NBPF12: variants seen among roughly 807,000 people sequenced by gnomAD.
The protein encoded by NBPF12 is NBPF member 12, also known as NBPF family member NBPF12.
In NBPF12, 115 loss-of-function variants were observed where a neutral mutation model predicts 146.4. The ratio of observed to expected loss-of-function variants is 0.79; its 90% CI spans 0.68 to 0.92. NBPF12 has a LOEUF of 0.92. Ranked by LOEUF, NBPF12 falls within the 40% of genes least tolerant of loss-of-function variation. The pLI is 0.00. For synonymous variants in NBPF12, 385 were observed against 508.9 expected (o/e 0.76, Z 3.28); for missense variants, 1,205 against 1,326.8 (o/e 0.91, Z 1.43).
intron 8 of NBPF12, 112 bp downstream of exon 11, chr1:146,965,216 G>T: frequency 1.3e-6 from 1 of 763,606 alleles, no homozygotes; most frequent in Non-Finnish European, 2.3e-6. Flanking sequence ...AAACTAGGAT[G>T]GAGCTAGGTG....
At chr1:146,992,565 C>G in intron 31 of NBPF12, 147 bp from the exon 35 acceptor site, 4 of 525,922 alleles carry the variant, frequency 7.6e-6, no homozygotes, top group Admixed American at 3.0e-5. Flanking sequence ...TCTGTCCCAA[C>G]ATGAAGGCAA....
At chr1:146,974,066 C>A (rs1559524784) in intron 14 of NBPF12, among the ~76,000 whole-genome samples, 2 of 150,706 alleles carry the variant, frequency 1.3e-5, no homozygotes, top group African/African-American at 5.0e-5. Context: ...CAATGAATTA[C>A]ATCAGCTATT....
At chr1:146,971,846 G>A (rs1192836549) in intron 13 of NBPF12, among the ~76,000 whole-genome samples, 1 of 149,908 alleles carries the variant, frequency 6.7e-6, no homozygotes. Context: ...TTGGGAGGCC[G>A]AGGCGGGTGG....
chr1:146,994,634 A>T, exon 34 of NBPF12: 1 of 1,586,162 alleles, frequency 6.3e-7, no homozygotes, highest in South Asian at 1.1e-5. Flanking sequence ...AGGCACCTGA[A>T]GATTTGAATG....
At chr1:146,962,036 T>C in intron 4 of NBPF12, 125 bp from the exon 8 acceptor site, 1 of 770,056 alleles carries the variant, frequency 1.3e-6, no homozygotes, top group Non-Finnish European at 2.2e-6. Context: ...TGGAAATCCC[T>C]GTCTAGACCC....
upstream of NBPF12, chr1:146,938,612 C>T (rs1478967073): frequency 5.7e-4 from 86 of 152,174 alleles, no homozygotes; most frequent in Admixed American, 1.6e-3. Context: ...CCCTTTAAGG[C>T]CCAGCTGCGC....
intron 13 of NBPF12, 50 bp from the exon 17 acceptor site, chr1:146,972,701 T>G: frequency 2.2e-6 from 3 of 1,378,754 alleles, no homozygotes; most frequent in Non-Finnish European, 3.1e-6. Context: ...TAAGCCTATT[T>G]CATTTCATCA....
upstream of NBPF12, among the ~76,000 whole-genome samples, chr1:146,949,122 CAG>C (rs1444854981): frequency 1.3e-5 from 2 of 152,160 alleles, no homozygotes; most frequent in Non-Finnish European, 1.5e-5. Flanking sequence ...TAAGGGAACT[CAG>C]AGGCCAGTGC....
chr1:146,984,886 C>T (rs1657654976), exon 22 of NBPF12: 3 of 1,589,952 alleles, frequency 1.9e-6, no homozygotes, highest in Non-Finnish European at 2.6e-6. Context: ...TTATTCAACT[C>T]CTTCAGTTTA....
chr1:146,952,389 T>A (rs1655363455), intron 2 of NBPF12, among the ~76,000 whole-genome samples: 1 of 152,118 alleles, frequency 6.6e-6, no homozygotes, highest in Non-Finnish European at 1.5e-5. Flanking sequence ...AGTCTCTGTG[T>A]ACTCTTCAAA....
At position 146,981,291 on chromosome 1, in the gene NBPF12, AAAAAT is replaced by A. The variant is rs1429764581; in HGVS notation, c.2451-1635_2451-1631del. Among the ~76,000 whole-genome samples the A allele has an allele frequency of 5.2e-4, 55 of 106,454 alleles. 2 individuals are homozygous for A. Among genetic ancestry groups the A allele is most frequent in the South Asian group, 3.2e-3 (12 of 3,752 alleles). 69.8% of individuals were successfully genotyped at this position (106,454 alleles called of 152,430 possible). A position where few individuals can be genotyped will look rare whatever the true frequency, so the allele number is the denominator to read the frequency against. ...ACTTAAAGTATTAAAAAAAAAAAAAAAAAATATATATATATATATATATACATACA... is the reference window on the plus strand; with the variant it reads ...ACTTAAAGTATTAAAAAAAAAAAAAAATATATATATATATATATACATACA... On this transcript the variant is annotated intron_variant, in intron 19 of 33. Transcript: ENST00000617844.
Position 146,984,022 on chromosome 1 carries a change from G to A in NBPF12, c.2615-112G>A, listed in dbSNP as rs1657550119. 4 of 710,460 alleles carry A rather than the reference G, an allele frequency of 5.6e-6. No homozygotes were observed. The Admixed American group carries it at 6.0e-5, about 11-fold the overall frequency. The allele number at this position is 710,460 out of a possible 1,614,324, so 44.0% of individuals were successfully genotyped here. A position where few individuals can be genotyped will look rare whatever the true frequency, so the allele number is the denominator to read the frequency against. ...TGGAATATTTCTCTCAAAGTCTCCT[G>A]TTCTCACACTGACAAGACTGATGTC... On this transcript the variant is annotated intron_variant, in intron 20 of 33. Coordinates refer to ENST00000617844, the Ensembl canonical transcript of NBPF12.
At chr1:146,965,657 T>C (rs1570847226) in intron 8 of NBPF12, among the ~76,000 whole-genome samples, 2 of 146,530 alleles carry the variant, frequency 1.4e-5, no homozygotes, top group African/African-American at 5.1e-5. Context: ...CTGGGCGCGG[T>C]GGTGGGCACC....
chr1:146,962,143 T>C lies in NBPF12; in HGVS notation c.176-18T>C. 6.2e-7 allele frequency: 1 copy of C among 1,608,072 alleles called. No homozygotes were observed. Among genetic ancestry groups the C allele is most frequent in the Non-Finnish European group, 8.5e-7 (1 of 1,177,460 alleles). The stretch of plus-strand genomic sequence containing the variant: ...GTCCAGCCTTCCACTGAGGCAGGCG[T>C]GTCTGTCTTTTTCTCAGAGTATGAA... On this transcript the variant is annotated intron_variant, in intron 4 of 33. Transcript: ENST00000617844.
chr1:146,938,327 A>C (rs1193766938), upstream of NBPF12, among the ~76,000 whole-genome samples: 8 of 152,262 alleles, frequency 5.3e-5, no homozygotes, highest in Admixed American at 1.3e-4. Context: ...GGAGCCCGGA[A>C]GTCAGACTAT....
intron 11 of NBPF12, among the ~76,000 whole-genome samples, chr1:146,970,285 A>G (rs1477313677): frequency 4.0e-5 from 6 of 150,834 alleles, no homozygotes; most frequent in Non-Finnish European, 7.4e-5. Flanking sequence ...AAGAGAAAGA[A>G]TGAGGTTTGA....
intron 1 of NBPF12, among the ~76,000 whole-genome samples, chr1:146,941,118 C>T (rs1210279939): frequency 1.3e-5 from 2 of 151,748 alleles, no homozygotes; most frequent in Non-Finnish European, 2.9e-5. Flanking sequence ...AGATCTCACT[C>T]TGTTGCCCAG....
upstream of NBPF12, among the ~76,000 whole-genome samples, chr1:146,946,082 C>G (rs1299899774): frequency 5.9e-5 from 9 of 152,102 alleles, no homozygotes; most frequent in Admixed American, 2.0e-4. Flanking sequence ...GCATTATGTA[C>G]TTTAAGTTCC....
chr1:146,962,747 C>T (rs1226850026), intron 5 of NBPF12, among the ~76,000 whole-genome samples: 5 of 147,954 alleles, frequency 3.4e-5, no homozygotes, highest in Admixed American at 1.4e-4. Context: ...TATCTAGTGG[C>T]CGCAAGATGC....
Sources: allele counts gnomAD v4.1 joint callset (sites outside exome capture counted in the v4.1 genomes callset), GRCh38; gene constraint gnomAD v4.1.1; transcripts MANE v1.5; gene names NCBI Gene and HGNC (gene_info 2026-07-23, HGNC 2026-07-21).